The following C6 variants were observed in gnomAD, a reference collection of about 807,000 sequenced individuals.
C6 encodes the protein complement C6.
In C6, 101 loss-of-function variants were observed where a neutral mutation model predicts 112.9. That is an observed-to-expected ratio of 0.89 (90% CI 0.76 to 1.06). The LOEUF (loss-of-function observed/expected upper bound fraction) is 1.06. Ranked by LOEUF, C6 falls within the 50% of genes least tolerant of loss-of-function variation. The probability of loss-of-function intolerance (pLI) is 0.00; values close to 1 mark genes in which losing one functional copy is unlikely to be tolerated. For missense variants in C6, 1,202 were observed against 1,104.6 expected (o/e 1.09, Z -1.25); for synonymous variants, 431 against 384.1 (o/e 1.12, Z -1.43).
At chr5:41,207,476 G>A (rs1751529039) in intron 1 of C6, among the ~76,000 whole-genome samples, 1 of 152,144 alleles carries the variant, frequency 6.6e-6, no homozygotes, top group Non-Finnish European at 1.5e-5. Context: ...CTGTATTCAG[G>A]AGACCCATCT....
At chr5:41,187,224 C>T (rs1457993115) in intron 5 of C6, among the ~76,000 whole-genome samples, 1 of 152,152 alleles carries the variant, frequency 6.6e-6, no homozygotes, top group Non-Finnish European at 1.5e-5. Context: ...CCCTTCAGTA[C>T]ACCCATCCCT....
At chr5:41,246,018 G>T (rs1740999465) in intron 1 of C6, among the ~76,000 whole-genome samples, 1 of 152,144 alleles carries the variant, frequency 6.6e-6, no homozygotes, top group Admixed American at 6.5e-5. Flanking sequence ...TTAGAGTAGA[G>T]GTAGATCATC....
chr5:41,166,192 AGAT>A (rs1185400871), intron 9 of C6, among the ~76,000 whole-genome samples: 22 of 152,160 alleles, frequency 1.4e-4, no homozygotes, highest in South Asian at 6.2e-4. Context: ...AACATTCTGT[AGAT>A]GATATGTGGG....
At chr5:41,205,194 C>A (rs1251894610) in intron 1 of C6, among the ~76,000 whole-genome samples, 1 of 152,162 alleles carries the variant, frequency 6.6e-6, no homozygotes, top group Non-Finnish European at 1.5e-5. Flanking sequence ...TACTCCAACT[C>A]ATAGATATGC....
intron 9 of C6, among the ~76,000 whole-genome samples, chr5:41,167,262 G>GAGAGAGAAA (rs1748060686): frequency 6.6e-6 from 1 of 152,020 alleles, no homozygotes; most frequent in Non-Finnish European, 1.5e-5. Flanking sequence ...CCAGGCTCTT[G>GAGAGAGAAA]AGAGAGAAAA....
chr5:41,202,811 AG>A (rs2150368585), intron 2 of C6, among the ~76,000 whole-genome samples: 1 of 152,310 alleles, frequency 6.6e-6, no homozygotes, highest in Admixed American at 6.5e-5. Context: ...GATTGAAAAA[AG>A]CTTGGGTAGT....
At chr5:41,192,488 C>T (rs1750292427) in intron 5 of C6, among the ~76,000 whole-genome samples, 1 of 152,150 alleles carries the variant, frequency 6.6e-6, no homozygotes. Flanking sequence ...TAGAATTCAG[C>T]AGTGAAGCCA....
intron 8 of C6, among the ~76,000 whole-genome samples, chr5:41,173,972 A>G (rs1463256818): frequency 6.6e-6 from 1 of 152,226 alleles, no homozygotes; most frequent in South Asian, 2.1e-4. Context: ...AGGCCATACT[A>G]CGAATGTAAT....
intron 1 of C6, among the ~76,000 whole-genome samples, chr5:41,239,004 T>G (rs1028774311): frequency 6.6e-6 from 1 of 152,100 alleles, no homozygotes; most frequent in African/African-American, 2.4e-5. Context: ...TACATACTTA[T>G]GGGGTAAATG....
chr5:41,188,199 T>C (rs1440000973), intron 5 of C6, among the ~76,000 whole-genome samples: 1 of 152,130 alleles, frequency 6.6e-6, no homozygotes, highest in East Asian at 1.9e-4. Flanking sequence ...GAGATAGCAG[T>C]ACTTCCCAAA....
chr5:41,244,458 G>C (rs1343428170), intron 1 of C6, among the ~76,000 whole-genome samples: 2 of 152,192 alleles, frequency 1.3e-5, no homozygotes, highest in East Asian at 3.8e-4. Flanking sequence ...AAATGGTAAA[G>C]ACTGGGTCTA....
chr5:41,152,195 C>T (rs940608673), intron 15 of C6, among the ~76,000 whole-genome samples: 4 of 151,736 alleles, frequency 2.6e-5, no homozygotes, highest in African/African-American at 9.7e-5. Flanking sequence ...ATAAAGACTC[C>T]AACTGGGAAG....
chr5:41,227,735 C>G (rs1739611807), intron 1 of C6, among the ~76,000 whole-genome samples: 1 of 152,014 alleles, frequency 6.6e-6, no homozygotes, highest in Admixed American at 6.6e-5. Context: ...ACTGTCCTTC[C>G]CCATTGTGTG....
At chr5:41,153,762 C>T (rs1288301903) in intron 15 of C6, 48 bp downstream of exon 15, 2 of 1,396,912 alleles carry the variant, frequency 1.4e-6, no homozygotes, top group Non-Finnish European at 2.0e-6. Context: ...CTACCAATCT[C>T]AGGGTGCACC....
chr5:41,245,651 G>A (rs183237507), intron 1 of C6, among the ~76,000 whole-genome samples: 2 of 152,144 alleles, frequency 1.3e-5, no homozygotes, highest in East Asian at 3.9e-4. Flanking sequence ...CAGTTATTGA[G>A]TTCTATCAAA....
At chr5:41,207,870 A>G (rs1751565494) in intron 1 of C6, among the ~76,000 whole-genome samples, 1 of 152,186 alleles carries the variant, frequency 6.6e-6, no homozygotes, top group South Asian at 2.1e-4. Context: ...GCTCTGCACC[A>G]AGCGGACCTA....
intron 1 of C6, among the ~76,000 whole-genome samples, chr5:41,241,779 C>G (rs560083550): frequency 1.3e-5 from 2 of 152,088 alleles, no homozygotes; most frequent in South Asian, 4.2e-4. Flanking sequence ...TTCAAAAGAC[C>G]AGATAGCAAG....
rs768464413 is a variant in C6, at chr5:41,158,729, AT to A, written c.1912del (p.Ile638Ter). ...EEMKEVDLPE[I>X]EADSGCPQPV... is the part of the protein sequence containing the mutation. ...CTGAGGACACCCGGAATCTGCTTCT[AT>A]CTCAGGAAGATCGACCTCTTTCATT... On this transcript the variant is annotated frameshift_variant, in exon 13 of 18. Transcript: ENST00000337836. LOFTEE classifies it high-confidence loss of function. The A allele has an allele frequency of 3.4e-5, 54 of 1,611,788 alleles. No individual in the cohort carries two copies. The highest frequency in any genetic ancestry group is 4.6e-5 in the Non-Finnish European group (54 of 1,178,164).
At position 41,232,398 on chromosome 5, in the gene C6, G is replaced by A. The variant is rs117904920; in HGVS notation, c.-21+28796C>T. On this transcript the variant is annotated intron_variant, in intron 1 of 17. Coordinates refer to the C6 transcript ENST00000263413. ...TTAGTAAATCCCTTAAAAGAAAAGT[G>A]GCAGAGAATTTGTCTTAACCACATG... 1.6e-3 allele frequency among the ~76,000 whole-genome samples: 239 copies of A among 152,126 alleles called. 13 individuals carry two copies. In the East Asian group the frequency reaches 0.044, roughly 28 times the overall value.
Sources: allele counts gnomAD v4.1 joint callset (sites outside exome capture counted in the v4.1 genomes callset), GRCh38; gene constraint gnomAD v4.1.1; transcripts MANE v1.5; gene names NCBI Gene and HGNC (gene_info 2026-07-23, HGNC 2026-07-21).